CNTNAP2: variants seen among roughly 807,000 people sequenced by gnomAD.
The protein encoded by CNTNAP2 is contactin associated protein 2.
A neutral mutation model predicts 155.2 loss-of-function variants in CNTNAP2; 98 were observed. That is an observed-to-expected ratio of 0.63 (90% confidence interval 0.54 to 0.75). CNTNAP2 has a LOEUF of 0.75. CNTNAP2 is among the 30% of genes least tolerant of loss of function. The probability of loss-of-function intolerance (pLI) is 0.00; values close to 1 mark genes in which losing one functional copy is unlikely to be tolerated. For missense variants in CNTNAP2, 1,727 were observed against 1,688.1 expected (o/e 1.02, Z -0.40); for synonymous variants, 651 against 631.2 (o/e 1.03, Z -0.47).
intron 4 of CNTNAP2, among the ~76,000 whole-genome samples, chr7:147,099,582 A>G (rs1052874279): frequency 2.0e-5 from 3 of 152,206 alleles, no homozygotes; most frequent in African/African-American, 7.2e-5. Context: ...CAAGTTGCTT[A>G]TCACTATTTG....
intron 18 of CNTNAP2, among the ~76,000 whole-genome samples, chr7:148,213,538 CTG>C: frequency 6.6e-6 from 1 of 152,142 alleles, no homozygotes; most frequent in East Asian, 1.9e-4. Context: ...GCCTGCCCCA[CTG>C]TGATTCATTT....
At chr7:146,141,727 T>C (rs571343842) in intron 1 of CNTNAP2, among the ~76,000 whole-genome samples, 52 of 152,320 alleles carry the variant, frequency 3.4e-4, no homozygotes, top group Non-Finnish European at 5.6e-4. Flanking sequence ...TTTCCTTTTA[T>C]TTTATAATTC....
rs180879982 is a variant in CNTNAP2, at chr7:147,879,953, A to C, written c.2099-23612A>C. ...GGTGGGTAATGACAGTCAGTGGAAA[A>C]GCCAGTGCCTGCTGTTCAAACACAG... On this transcript the variant is annotated intron_variant, in intron 13 of 23. Coordinates refer to ENST00000361727, the MANE Select transcript of CNTNAP2 (RefSeq NM_014141.6). Among the ~76,000 whole-genome samples, 3 of 152,316 alleles carry C rather than the reference A, an allele frequency of 2.0e-5. No individual in the cohort carries two copies. The East Asian group carries it at 5.8e-4, about 29-fold the overall frequency.
chr7:147,504,284 G>A (rs1453577609), intron 11 of CNTNAP2, among the ~76,000 whole-genome samples: 1 of 152,136 alleles, frequency 6.6e-6, no homozygotes, highest in Non-Finnish European at 1.5e-5. Flanking sequence ...TCTGAGAAAA[G>A]AGGGGGCCCT....
At chr7:146,684,450 T>C (rs1029441446) in intron 1 of CNTNAP2, among the ~76,000 whole-genome samples, 1 of 151,950 alleles carries the variant, frequency 6.6e-6, no homozygotes, top group Non-Finnish European at 1.5e-5. Context: ...AACCAGATAT[T>C]CTTGAATTTA....
intron 12 of CNTNAP2, among the ~76,000 whole-genome samples, chr7:147,624,371 A>G (rs1454939760): frequency 2.0e-5 from 3 of 152,170 alleles, no homozygotes; most frequent in Non-Finnish European, 4.4e-5. Flanking sequence ...GATGGTGTTA[A>G]TAACCAGAAT....
rs531232842 is a variant in CNTNAP2 at position 147,375,792 on chromosome 7, C to T, written c.1499-19817C>T. 2.0e-5 allele frequency among the ~76,000 whole-genome samples: 3 copies of T among 152,154 alleles called. No individual in the cohort carries two copies. The South Asian group carries it at 6.2e-4, about 32-fold the overall frequency. On this transcript the variant is annotated intron_variant, in intron 9 of 23. Coordinates refer to ENST00000361727, the MANE Select transcript of CNTNAP2 (RefSeq NM_014141.6). Reference sequence around the variant, plus strand: ...TCACCCAACAGTTGTACTCATATTTCGTTGACGTTTCAGCCTTTATACTTT... The same window carrying T: ...TCACCCAACAGTTGTACTCATATTTTGTTGACGTTTCAGCCTTTATACTTT...
At chr7:146,643,331 T>C in intron 1 of CNTNAP2, among the ~76,000 whole-genome samples, 1 of 152,102 alleles carries the variant, frequency 6.6e-6, no homozygotes, top group African/African-American at 2.4e-5. Flanking sequence ...TGAATTAATT[T>C]TTGTATAAGG....
chr7:147,986,160 T>C (rs557517835), intron 15 of CNTNAP2, among the ~76,000 whole-genome samples: 1 of 152,270 alleles, frequency 6.6e-6, no homozygotes, highest in African/African-American at 2.4e-5. Flanking sequence ...CTATGTAGGA[T>C]GATAATAGGT....
intron 21 of CNTNAP2, among the ~76,000 whole-genome samples, chr7:148,289,927 A>G (rs1314167184): frequency 1.3e-5 from 2 of 152,250 alleles, no homozygotes; most frequent in Admixed American, 6.5e-5. Flanking sequence ...ATTTTTTGCA[A>G]TGACAAAAAT....
chr7:147,271,246 A>G (rs949387145), intron 8 of CNTNAP2, among the ~76,000 whole-genome samples: 2 of 152,068 alleles, frequency 1.3e-5, no homozygotes, highest in Non-Finnish European at 2.9e-5. Context: ...AGCAGCAGGA[A>G]TAAGTGTAGT....
chr7:148,006,097 C>T (rs937247147), intron 15 of CNTNAP2, among the ~76,000 whole-genome samples: 12 of 152,054 alleles, frequency 7.9e-5, no homozygotes, highest in African/African-American at 2.9e-4. Flanking sequence ...GAACCCATTA[C>T]TAACAAATCT....
intron 1 of CNTNAP2, among the ~76,000 whole-genome samples, chr7:146,232,032 GGTTC>G (rs1799394357): frequency 6.6e-6 from 1 of 152,050 alleles, no homozygotes; most frequent in Non-Finnish European, 1.5e-5. Context: ...CCCATGCTAA[GGTTC>G]AAGAAACTAT....
chr7:147,165,943 A>G (rs926290174), intron 8 of CNTNAP2, among the ~76,000 whole-genome samples: 1 of 152,208 alleles, frequency 6.6e-6, no homozygotes. Context: ...AATGTAAACT[A>G]GTACAACCAC....
intron 1 of CNTNAP2, among the ~76,000 whole-genome samples, chr7:146,242,488 G>A (rs1799578550): frequency 1.3e-5 from 2 of 151,188 alleles, no homozygotes; most frequent in South Asian, 2.1e-4. Context: ...GCAGTGAGCC[G>A]AGATTGTGCC....
intron 8 of CNTNAP2, among the ~76,000 whole-genome samples, chr7:147,178,344 G>A (rs1014139221): frequency 2.6e-5 from 4 of 152,164 alleles, no homozygotes; most frequent in Admixed American, 6.5e-5. Context: ...GTGGCCAAGA[G>A]CTAAGGAACG....
intron 8 of CNTNAP2, among the ~76,000 whole-genome samples, chr7:147,268,265 TG>T (rs1804661494): frequency 6.6e-6 from 1 of 152,194 alleles, no homozygotes; most frequent in East Asian, 1.9e-4. Flanking sequence ...TTCACTTCAA[TG>T]TTTTTAAATA....
intron 1 of CNTNAP2, among the ~76,000 whole-genome samples, chr7:146,146,931 G>A (rs564823291): frequency 3.9e-4 from 60 of 152,214 alleles, no homozygotes; most frequent in Middle Eastern, 6.8e-3. Context: ...CTAATGGTGC[G>A]AAGTCTTTCT....
intron 3 of CNTNAP2, among the ~76,000 whole-genome samples, chr7:146,932,499 T>A (rs1163203629): frequency 6.6e-6 from 1 of 152,118 alleles, no homozygotes; most frequent in South Asian, 2.1e-4. Flanking sequence ...GGGCAGAAAC[T>A]GGAAGCACTC....
Sources: gnomAD v4.1 joint callset for allele counts (sites outside exome capture counted in the v4.1 genomes callset) on GRCh38, gnomAD v4.1.1 for gene constraint, MANE v1.5 for transcripts, NCBI Gene and HGNC (gene_info 2026-07-23, HGNC 2026-07-21) for gene names.